RIMBP2: variants seen among roughly 807,000 people sequenced by gnomAD.
RIMBP2 encodes RIMS-binding protein 2.
In RIMBP2, 48 loss-of-function variants were observed where a neutral mutation model predicts 118.6. That is an observed-to-expected ratio of 0.40 (90% CI 0.32 to 0.51). The LOEUF is 0.51. Among genes scored for constraint, RIMBP2 ranks in the 20% least tolerant of loss-of-function variants. RIMBP2 has a pLI of 0.41. For synonymous variants in RIMBP2, 762 were observed against 742.9 expected, an observed-to-expected ratio of 1.03 and a Z score of -0.42; for missense variants, 1,551 against 1,768.3, an observed-to-expected ratio of 0.88 and a Z score of 2.20.
intron 7 of RIMBP2, among the ~76,000 whole-genome samples, chr12:130,452,621 C>T (rs997951419): frequency 5.3e-5 from 8 of 152,252 alleles, no homozygotes; most frequent in Non-Finnish European, 1.2e-4. Flanking sequence ...ACGAGAGTCA[C>T]CTGGGCCAGT....
At chr12:130,453,054 A>C (rs551357317) in intron 7 of RIMBP2, among the ~76,000 whole-genome samples, 23 of 152,334 alleles carry the variant, frequency 1.5e-4, no homozygotes, top group African/African-American at 5.3e-4. Context: ...GTAATGCTTC[A>C]AAATACGTAT....
chr12:130,449,596 G>A (rs537697838), intron 9 of RIMBP2, among the ~76,000 whole-genome samples: 10 of 152,116 alleles, frequency 6.6e-5, no homozygotes, highest in African/African-American at 1.7e-4. Context: ...TTTCACTCTC[G>A]GTGGCGGGAT....
chr12:130,485,151 C>G (rs778254480), intron 4 of RIMBP2, among the ~76,000 whole-genome samples: 29 of 152,202 alleles, frequency 1.9e-4, no homozygotes, highest in Non-Finnish European at 2.9e-5. Flanking sequence ...CAGGGCTGCA[C>G]CAACAGGATG....
intron 10 of RIMBP2, among the ~76,000 whole-genome samples, chr12:130,444,424 C>A (rs1351859403): frequency 6.6e-6 from 1 of 152,144 alleles, no homozygotes; most frequent in Non-Finnish European, 1.5e-5. Context: ...GAAAGAGAAA[C>A]CTGCTAGCTT....
rs1241662297 is a variant in RIMBP2, at chr12:130,422,383, T to C, written c.3238+70A>G. On this transcript the variant is annotated intron_variant, in intron 17 of 22. Transcript: ENST00000690449. This position sits in a 1 kb window ranked among gnomAD's most constrained non-coding sequence, Gnocchi z 5.2. ...AATGCTACTCCTAAAGTTTTGTTCA[T>C]GCTTAGATGGAGTAAGCAGCCACAT... 9.0e-7 allele frequency: 1 copy of C among 1,107,624 alleles called. No individual in the cohort carries two copies. The highest frequency in any genetic ancestry group is 1.5e-5 in the African/African-American group (1 of 65,052). 68.6% of individuals were successfully genotyped at this position (1,107,624 alleles called of 1,614,324 possible). A position where few individuals can be genotyped will look rare whatever the true frequency, so the allele number is the denominator to read the frequency against.
intron 2 of RIMBP2, among the ~76,000 whole-genome samples, chr12:130,557,976 GT>G (rs2056509454): frequency 6.6e-6 from 1 of 152,100 alleles, no homozygotes; most frequent in Non-Finnish European, 1.5e-5. Context: ...CGATAATAGT[GT>G]CCACCTCATT....
chr12:130,478,710 C>T (rs1375885630), intron 5 of RIMBP2, among the ~76,000 whole-genome samples: 3 of 152,164 alleles, frequency 2.0e-5, no homozygotes, highest in East Asian at 1.9e-4. Flanking sequence ...TCTGCTTTCG[C>T]GTTATAAAAC....
At chr12:130,555,947 C>T (rs996874557) in intron 2 of RIMBP2, among the ~76,000 whole-genome samples, 5 of 152,280 alleles carry the variant, frequency 3.3e-5, no homozygotes, top group East Asian at 1.9e-4. Context: ...TCGCCAGGCA[C>T]GGAGAGGAGG....
intron 7 of RIMBP2, among the ~76,000 whole-genome samples, chr12:130,453,495 C>T (rs1420960015): frequency 2.6e-5 from 4 of 152,224 alleles, no homozygotes; most frequent in Non-Finnish European, 5.9e-5. Context: ...GGATGTTATC[C>T]GGCCTCAGGA....
At chr12:130,457,618 C>T (rs557317315) in intron 6 of RIMBP2, among the ~76,000 whole-genome samples, 3 of 152,358 alleles carry the variant, frequency 2.0e-5, no homozygotes, top group African/African-American at 7.2e-5. Context: ...TCTCACCCCG[C>T]GTTCCTTTCT....
chr12:130,459,790 C>T (rs2079813644), intron 6 of RIMBP2, among the ~76,000 whole-genome samples: 2 of 151,810 alleles, frequency 1.3e-5, no homozygotes, highest in Admixed American at 6.6e-5. Context: ...GGTGGGGGGC[C>T]AAGGACGAGG....
intron 1 of RIMBP2, among the ~76,000 whole-genome samples, chr12:130,635,593 G>A (rs1033791904): frequency 6.6e-6 from 1 of 152,128 alleles, no homozygotes; most frequent in African/African-American, 2.4e-5. Context: ...ACATCAGCAG[G>A]AAGGAGAAGC....
At chr12:130,671,139 A>G (rs1467933118) in intron 1 of RIMBP2, among the ~76,000 whole-genome samples, 1 of 152,306 alleles carries the variant, frequency 6.6e-6, no homozygotes, top group Non-Finnish European at 1.5e-5. Context: ...TACCATGAGC[A>G]CAGATGTGGT....
chr12:130,400,562 C>A (rs1460232103), intron 21 of RIMBP2, among the ~76,000 whole-genome samples: 2 of 152,122 alleles, frequency 1.3e-5, no homozygotes, highest in African/African-American at 4.8e-5. Flanking sequence ...GTGCCTAAAC[C>A]AAGTTCAAAA....
At chr12:130,677,814 T>G (rs558556447) in intron 1 of RIMBP2, among the ~76,000 whole-genome samples, 3 of 152,316 alleles carry the variant, frequency 2.0e-5, no homozygotes, top group African/African-American at 7.2e-5. Flanking sequence ...AAAATCATTC[T>G]TTATCCAGCA....
At chr12:130,708,851 T>G (rs184680670) in intron 1 of RIMBP2, among the ~76,000 whole-genome samples, 4 of 152,314 alleles carry the variant, frequency 2.6e-5, no homozygotes, top group African/African-American at 9.6e-5. Context: ...CCAGCTTCTC[T>G]GGGATCTCAC....
At chr12:130,449,487 T>A (rs2078813971) in intron 9 of RIMBP2, among the ~76,000 whole-genome samples, 1 of 152,036 alleles carries the variant, frequency 6.6e-6, no homozygotes, top group Admixed American at 6.6e-5. Flanking sequence ...AGATGCAGCC[T>A]GCAGCGCCCA....
chr12:130,475,258 A>G lies in RIMBP2; in HGVS notation c.102+3654T>C, dbSNP rs1376232224. The stretch of plus-strand genomic sequence containing the variant: ...ATCTTACGTGCTTCTCCCGACCGCC[A>G]TGCAGGGCAGGAGGACAGGTGGAGC... On this transcript the variant is annotated intron_variant, in intron 5 of 22. Coordinates refer to ENST00000690449, the MANE Select transcript of RIMBP2 (RefSeq NM_001393629.1). The surrounding 1 kb of genome is among the most constrained non-coding windows in gnomAD (Gnocchi z 4.1). 6.6e-6 allele frequency among the ~76,000 whole-genome samples: 1 copy of G among 152,200 alleles called. No homozygotes were observed. Among genetic ancestry groups the G allele is most frequent in the African/African-American group, 2.4e-5 (1 of 41,444 alleles).
chr12:130,626,326 C>A (rs2061621645), intron 2 of RIMBP2, among the ~76,000 whole-genome samples: 1 of 152,206 alleles, frequency 6.6e-6, no homozygotes, highest in Non-Finnish European at 1.5e-5. Context: ...ACGACTACCG[C>A]CAGCATCACC....
Sources: gnomAD v4.1 joint callset for allele counts (sites outside exome capture counted in the v4.1 genomes callset) on GRCh38, gnomAD v4.1.1 for gene constraint, Gnocchi (gnomAD v3.1) non-coding constraint, MANE v1.5 for transcripts, NCBI Gene and HGNC (gene_info 2026-07-23, HGNC 2026-07-21) for gene names.